KCNQ1: variants seen among roughly 807,000 people sequenced by gnomAD.
The protein encoded by KCNQ1 is potassium voltage-gated channel subfamily KQT member 1.
Under a neutral mutation model 72.4 loss-of-function variants are expected in KCNQ1, and 49 were observed. The ratio of observed to expected loss-of-function variants is 0.68; its 90% confidence interval spans 0.54 to 0.86. The LOEUF (loss-of-function observed/expected upper bound fraction) is 0.86. Ranked by LOEUF, KCNQ1 falls within the 40% of genes least tolerant of loss-of-function variation. The probability of loss-of-function intolerance (pLI) is 0.00; values close to 1 mark genes in which losing one functional copy is unlikely to be tolerated. For synonymous variants in KCNQ1, 450 were observed against 412.6 expected, an observed-to-expected ratio of 1.09 and a Z score of -1.10; for missense variants, 790 against 945.1, an observed-to-expected ratio of 0.84 and a Z score of 2.15.
chr11:2,585,425 TG>T (rs1365541994), intron 8 of KCNQ1, 118 bp downstream of exon 8: 2 of 911,890 alleles, frequency 2.2e-6, no homozygotes, highest in Non-Finnish European at 3.5e-6. Flanking sequence ...GGCTGGCCTG[TG>T]GGGCATACTC....
In KCNQ1 at chr11:2,642,480, G is replaced by T. The variant is rs925910703; in HGVS notation, c.1394-19481G>T. The T allele has an allele frequency of 4.3e-5, 17 of 397,832 alleles. No individual in the cohort carries two copies. Among genetic ancestry groups the T allele is most frequent in the Non-Finnish European group, 7.5e-5 (17 of 225,714 alleles). 24.6% of individuals were successfully genotyped at this position (397,832 alleles called of 1,614,324 possible). A position where few individuals can be genotyped will look rare whatever the true frequency, so the allele number is the denominator to read the frequency against. On this transcript the variant is annotated intron_variant, in intron 10 of 15. Transcript: ENST00000155840. The surrounding 1 kb of genome is among the most constrained non-coding windows in gnomAD (Gnocchi z 4.3). ...TAATCAATTTATTGATCAGACTGAA[G>T]AGTTTTGATTTTTGTATTTCATGGT...
At chr11:2,615,469 A>G (rs533807768) in intron 10 of KCNQ1, 318 of 398,066 alleles carry the variant, frequency 8.0e-4, no homozygotes, top group African/African-American at 6.0e-3. Flanking sequence ...GCATACAGCC[A>G]TATCTTACTC....
At chr11:2,667,936 G>A (rs2133864827) in intron 11 of KCNQ1, 1 of 398,694 alleles carries the variant, frequency 2.5e-6, no homozygotes, top group Non-Finnish European at 4.4e-6. Context: ...GCAGCACCCG[G>A]AGGAAGCAAC....
rs1438666511 is a variant in KCNQ1 at position 2,768,114 on chromosome 11, C to T, written c.1515-730C>T. On this transcript the variant is annotated intron_variant, in intron 11 of 15. Coordinates refer to ENST00000155840, the MANE Select transcript of KCNQ1 (RefSeq NM_000218.3). The surrounding 1 kb of genome is among the most constrained non-coding windows in gnomAD (Gnocchi z 6.7). ...CCTTGCTGTTGGCATCACTTAGTCT[C>T]GCAGTCCCTGGTGTTTCCATCAGGA... is the stretch of plus-strand genomic sequence containing the variant. 2.0e-5 allele frequency among the ~76,000 whole-genome samples: 3 copies of T among 152,214 alleles called. No homozygotes were observed. Among genetic ancestry groups the T allele is most frequent in the Admixed American group, 6.5e-5 (1 of 15,288 alleles).
rs1017786812 is a variant in KCNQ1 at position 2,477,413 on chromosome 11, G to A, written c.386+31929G>A. ...CTTCCCACCATTGAATTAGGATGCC[G>A]TCTGCTACTGAGAGAGCCAGTCATG... On this transcript the variant is annotated intron_variant, in intron 1 of 15. Transcript: ENST00000155840. The surrounding 1 kb of genome is among the most constrained non-coding windows in gnomAD (Gnocchi z 5.0). Among the ~76,000 whole-genome samples the A allele has an allele frequency of 3.3e-5, 5 of 152,306 alleles. No individual in the cohort carries two copies. Among genetic ancestry groups the A allele is most frequent in the East Asian group, 1.9e-4 (1 of 5,188 alleles).
rs531044813 is a variant in KCNQ1, at chr11:2,618,668, G to A, written c.1393+29814G>A. The A allele has an allele frequency of 2.2e-4, 86 of 398,414 alleles. No individual in the cohort carries two copies. Among genetic ancestry groups the A allele is most frequent in the African/African-American group, 1.4e-3 (68 of 48,718 alleles). 24.7% of individuals were successfully genotyped at this position (398,414 alleles called of 1,614,324 possible). ...TTCAGAACAGAATTTTCAGAATTTC[G>A]TTGGCTACTTAAGGTTCTTGCTATT... On this transcript the variant is annotated intron_variant, in intron 10 of 15. Transcript: ENST00000155840.
At chr11:2,662,674 T>C (rs1341481129) in intron 11 of KCNQ1, 1 of 405,118 alleles carries the variant, frequency 2.5e-6, no homozygotes, top group Non-Finnish European at 4.4e-6. Flanking sequence ...GACTCCCCGC[T>C]GGGGTGCCCA....
chr11:2,838,039 G>A (rs1407561450), intron 15 of KCNQ1, among the ~76,000 whole-genome samples: 8 of 152,372 alleles, frequency 5.3e-5, no homozygotes, highest in South Asian at 4.1e-4. Flanking sequence ...GGCAACGTGG[G>A]ACAGACTGAG....
intron 15 of KCNQ1, among the ~76,000 whole-genome samples, chr11:2,837,177 G>T (rs577329024): frequency 6.6e-6 from 1 of 152,144 alleles, no homozygotes; most frequent in Non-Finnish European, 1.5e-5. Flanking sequence ...AGAGGACACC[G>T]TCTTGAGCCA....
In KCNQ1 at chr11:2,668,131, C is replaced by G. The variant is rs954352957; in HGVS notation, c.1514+6050C>G. ...CTCAATTTGATGTCTGGCAGCCTCT[C>G]TATGGGGCTGAAGGGAGAGTGCTCC... On this transcript the variant is annotated intron_variant, in intron 11 of 15. Coordinates refer to ENST00000155840, the MANE Select transcript of KCNQ1 (RefSeq NM_000218.3). The surrounding 1 kb of genome is among the most constrained non-coding windows in gnomAD (Gnocchi z 4.3). 1.3e-5 allele frequency: 5 copies of G among 398,660 alleles called. No individual in the cohort carries two copies. The highest frequency in any genetic ancestry group is 6.3e-4 in the Middle Eastern group (1 of 1,588). The allele number at this position is 398,660 out of a possible 1,614,324, so 24.7% of individuals were successfully genotyped here.
chr11:2,682,023 GAAT>G lies in KCNQ1; in HGVS notation c.1514+19944_1514+19946del, dbSNP rs1272118911. On this transcript the variant is annotated intron_variant, in intron 11 of 15. Coordinates refer to ENST00000155840, the MANE Select transcript of KCNQ1 (RefSeq NM_000218.3). This position sits in a 1 kb window ranked among gnomAD's most constrained non-coding sequence, Gnocchi z 5.8. ...ATCCTCACAGCAGCTTTTAACACAAGAATATTATCACTCCTGTTTTATAGATAA... is the reference window on the plus strand; with the variant it reads ...ATCCTCACAGCAGCTTTTAACACAAGATTATCACTCCTGTTTTATAGATAA... 1 of 398,412 alleles carries G rather than the reference GAAT, an allele frequency of 2.5e-6. No individual in the cohort carries two copies. The highest frequency in any genetic ancestry group is 3.6e-5 in the East Asian group (1 of 28,094). 24.7% of individuals were successfully genotyped at this position (398,412 alleles called of 1,614,324 possible).
chr11:2,453,239 G>A (rs1034476276), intron 1 of KCNQ1, among the ~76,000 whole-genome samples: 2 of 152,204 alleles, frequency 1.3e-5, no homozygotes, highest in African/African-American at 2.4e-5. Flanking sequence ...CGGGCGTGGT[G>A]GTGCATGCCT....
chr11:2,648,051 CAA>C (rs34011245), intron 10 of KCNQ1: 3,522 of 360,912 alleles, frequency 9.8e-3, no homozygotes, highest in Middle Eastern at 0.02. Flanking sequence ...CCATCTCTAC[CAA>C]AAAAAAAAAA....
intron 10 of KCNQ1, among the ~76,000 whole-genome samples, chr11:2,596,574 G>A (rs1213232772): frequency 6.6e-6 from 1 of 151,290 alleles, no homozygotes; most frequent in Non-Finnish European, 1.5e-5. Context: ...ATTATGGTGA[G>A]TGAAAGAAGC....
intron 1 of KCNQ1, among the ~76,000 whole-genome samples, chr11:2,470,612 C>T (rs1391813421): frequency 6.6e-6 from 1 of 151,306 alleles, no homozygotes; most frequent in Non-Finnish European, 1.5e-5. Context: ...TGTGATGATA[C>T]GTATCCAACC....
intron 1 of KCNQ1, among the ~76,000 whole-genome samples, chr11:2,489,305 C>A (rs971268201): frequency 6.6e-6 from 1 of 152,148 alleles, no homozygotes; most frequent in Admixed American, 6.5e-5. Context: ...CCACAGAAAG[C>A]AGAACCAGGC....
rs1278914438 is a variant in KCNQ1, at chr11:2,784,938, G to A, written c.1794+6901G>A. On this transcript the variant is annotated intron_variant, in intron 15 of 15. Transcript: ENST00000155840. This position sits in a 1 kb window ranked among gnomAD's most constrained non-coding sequence, Gnocchi z 4.7. ...TTTGTTGTTGCTATTGATTTCTTAA[G>A]ATTTTCTACATATAGGATCATGTCT... Among the ~76,000 whole-genome samples, 2 of 151,970 alleles carry A rather than the reference G, an allele frequency of 1.3e-5. No individual in the cohort carries two copies. Among genetic ancestry groups the A allele is most frequent in the Admixed American group, 6.5e-5 (1 of 15,284 alleles).
In KCNQ1 at chr11:2,816,852, G is replaced by GAACAGAC. The variant is rs1031871490; in HGVS notation, c.1795-30913_1795-30907dup. Among the ~76,000 whole-genome samples, 1 of 151,874 alleles carries GAACAGAC rather than the reference G, an allele frequency of 6.6e-6. No individual in the cohort carries two copies. The highest frequency in any genetic ancestry group is 1.5e-5 in the Non-Finnish European group (1 of 67,924). ...CATCTCCATCTGATGTCTGAGCCCTGAACAGACACAGGTGTCTGTTCAGGG... is the reference window on the plus strand; with the variant it reads ...CATCTCCATCTGATGTCTGAGCCCTGAACAGACAACAGACACAGGTGTCTGTTCAGGG... On this transcript the variant is annotated intron_variant, in intron 15 of 15. Transcript: ENST00000155840. This position sits in a 1 kb window ranked among gnomAD's most constrained non-coding sequence, Gnocchi z 6.8.
intron 15 of KCNQ1, among the ~76,000 whole-genome samples, chr11:2,838,707 C>A (rs1252410863): frequency 6.6e-6 from 1 of 152,152 alleles, no homozygotes; most frequent in Non-Finnish European, 1.5e-5. Context: ...CGAGAACGGC[C>A]AGGCAGCCCT....
Sources: allele counts gnomAD v4.1 joint callset (sites outside exome capture counted in the v4.1 genomes callset), GRCh38; gene constraint gnomAD v4.1.1; non-coding constraint Gnocchi (gnomAD v3.1); transcripts MANE v1.5; gene names NCBI Gene and HGNC (gene_info 2026-07-23, HGNC 2026-07-21).